MSI2: variants seen among roughly 807,000 people sequenced by gnomAD.
The protein encoded by MSI2 is RNA-binding protein Musashi homolog 2.
A neutral mutation model predicts 45.6 loss-of-function variants in MSI2; 17 were observed. The observed-to-expected ratio is 0.37, with a 90% CI of 0.26 to 0.56. The LOEUF is 0.56. Among genes scored for constraint, MSI2 ranks in the 20% least tolerant of loss-of-function variants. The pLI is 0.77. For synonymous variants in MSI2, 156 were observed against 158.2 expected (o/e 0.99, Z 0.11); for missense variants, 293 against 444.2 (o/e 0.66, Z 3.06).
chr17:57,691,191 T>C, the MSI2 span, among the ~76,000 whole-genome samples: 1 of 139,992 alleles, frequency 7.1e-6, no homozygotes, highest in African/African-American at 2.6e-5. Flanking sequence ...TCTCTCTCTC[T>C]CTCTCTCTCA....
chr17:57,605,650 C>T (rs1231400363), intron 8 of MSI2, among the ~76,000 whole-genome samples: 1 of 152,234 alleles, frequency 6.6e-6, no homozygotes, highest in Non-Finnish European at 1.5e-5. Context: ...GCTGCAGAGA[C>T]CAAGCCCAGA....
intron 3 of MSI2, among the ~76,000 whole-genome samples, 195 bp from the exon 4 acceptor site, chr17:57,258,075 C>T (rs1054250005): frequency 6.6e-6 from 1 of 152,118 alleles, no homozygotes; most frequent in African/African-American, 2.4e-5. Context: ...CGTTCCACTT[C>T]CCCCGTTAAC....
intron 5 of MSI2, among the ~76,000 whole-genome samples, chr17:57,292,515 T>C (rs1047862789): frequency 3.3e-5 from 5 of 152,012 alleles, no homozygotes; most frequent in African/African-American, 1.2e-4. Context: ...GAAGGGTGGA[T>C]TTGTGAGCAG....
downstream of MSI2, among the ~76,000 whole-genome samples, chr17:57,687,639 T>C (rs1458740164): frequency 6.6e-6 from 1 of 152,084 alleles, no homozygotes; most frequent in East Asian, 1.9e-4. Context: ...TGGATCCAAA[T>C]GAGTTTTATC....
At chr17:57,622,122 G>C (rs1055944287) in intron 9 of MSI2, among the ~76,000 whole-genome samples, 1 of 152,162 alleles carries the variant, frequency 6.6e-6, no homozygotes, top group African/African-American at 2.4e-5. Context: ...TCTTGAACCC[G>C]GGAGGCTGAG....
At chr17:57,637,740 T>C (rs1370069228) in intron 10 of MSI2, among the ~76,000 whole-genome samples, 5 of 152,200 alleles carry the variant, frequency 3.3e-5, no homozygotes, top group African/African-American at 1.2e-4. Flanking sequence ...TCTAGTGCTT[T>C]AGAAAAGGTT....
chr17:57,267,448 A>G (rs745770703), intron 5 of MSI2: 3 of 152,040 alleles, frequency 2.0e-5, no homozygotes, highest in Non-Finnish European at 4.4e-5. Flanking sequence ...GTTCTTTGTC[A>G]GATGATTTTT....
At chr17:57,352,584 C>A (rs1468966985) in intron 5 of MSI2, among the ~76,000 whole-genome samples, 1 of 152,104 alleles carries the variant, frequency 6.6e-6, no homozygotes, top group African/African-American at 2.4e-5. Context: ...TCCATGCTCA[C>A]AAAGGTCTGT....
intron 6 of MSI2, among the ~76,000 whole-genome samples, chr17:57,433,792 G>A (rs1320481263): frequency 6.6e-6 from 1 of 152,178 alleles, no homozygotes; most frequent in African/African-American, 2.4e-5. Flanking sequence ...CTTAAGCGCC[G>A]CTCATGCGGA....
chr17:57,344,932 A>G (rs1434663569), intron 5 of MSI2, among the ~76,000 whole-genome samples: 3 of 150,288 alleles, frequency 2.0e-5, no homozygotes, highest in African/African-American at 2.4e-5. Context: ...GCATGGTGGC[A>G]TGTGCCTGTA....
the MSI2 span, among the ~76,000 whole-genome samples, chr17:57,690,090 C>T: frequency 6.6e-6 from 1 of 151,452 alleles, no homozygotes; most frequent in African/African-American, 2.4e-5. Context: ...TGCATTACCA[C>T]TAGACATTTT....
At chr17:57,408,139 C>T (rs59186174) in intron 6 of MSI2, among the ~76,000 whole-genome samples, 2,194 of 152,292 alleles carry the variant, frequency 0.014, 62 homozygotes, top group African/African-American at 0.05. Context: ...GTAAGGTTGT[C>T]GAGTTCTAAA....
Position 57,529,289 on chromosome 17 carries a change from A to G in MSI2, c.406-387A>G, listed in dbSNP as rs191831698. 4.2e-4 allele frequency among the ~76,000 whole-genome samples: 64 copies of G among 152,186 alleles called. No homozygotes were observed. Among genetic ancestry groups the G allele is most frequent in the Middle Eastern group, 3.4e-3 (1 of 294 alleles). On this transcript the variant is annotated intron_variant, in intron 6 of 13. Coordinates refer to ENST00000284073, the MANE Select transcript of MSI2 (RefSeq NM_138962.4). This position sits in a 1 kb window ranked among gnomAD's most constrained non-coding sequence, Gnocchi z 5.3. ...TGTCTCTAAAAAAATAAAATAAAAT[A>G]ACTGGGCATGATGGTACATGCCTGT...
intron 6 of MSI2, among the ~76,000 whole-genome samples, chr17:57,469,945 C>A (rs750553698): frequency 1.3e-5 from 2 of 152,242 alleles, no homozygotes; most frequent in South Asian, 4.1e-4. Flanking sequence ...TCTTGTGGAC[C>A]CCTGATGATG....
At chr17:57,528,046 A>C (rs1243605735) in intron 6 of MSI2, among the ~76,000 whole-genome samples, 1 of 152,076 alleles carries the variant, frequency 6.6e-6, no homozygotes, top group East Asian at 1.9e-4. Context: ...CTTCTTAGCC[A>C]CAGGCACACA....
intron 6 of MSI2, among the ~76,000 whole-genome samples, chr17:57,489,391 G>A (rs1194681162): frequency 1.3e-5 from 2 of 152,198 alleles, no homozygotes; most frequent in Non-Finnish European, 2.9e-5. Flanking sequence ...GCTCCCAGCT[G>A]CTTGTGGCAA....
At position 57,682,773 on chromosome 17, in the gene MSI2, C is replaced by T. The variant is rs929817702; in HGVS notation, c.*3256C>T. On this transcript the variant is annotated 3_prime_UTR_variant, in exon 14 of 14. Coordinates refer to ENST00000284073, the MANE Select transcript of MSI2 (RefSeq NM_138962.4). The stretch of plus-strand genomic sequence containing the variant: ...AAACCCTCTTGGCTGATGGCTTTTC[C>T]CCGGAATTATCAAACAGCCACCGGG... 4.5e-6 allele frequency: 1 copy of T among 223,104 alleles called. No individual in the cohort carries two copies. The highest frequency in any genetic ancestry group is 5.7e-5 in the Admixed American group (1 of 17,414). 13.8% of individuals were successfully genotyped at this position (223,104 alleles called of 1,614,324 possible).
In MSI2 at chr17:57,408,437, C is replaced by T. The variant is rs779403647; in HGVS notation, c.405+6966C>T. Among the ~76,000 whole-genome samples the T allele has an allele frequency of 5.3e-5, 8 of 152,158 alleles. No homozygotes were observed. In the East Asian group the frequency reaches 5.8e-4, roughly 11 times the overall value. On this transcript the variant is annotated intron_variant, in intron 6 of 13. Transcript: ENST00000284073. Reference sequence around the variant, plus strand: ...TGCATAGTAGGTAGAGGAACAAGGCCGAATAGAAGAACAAGGCTCAAACTT... The same window carrying T: ...TGCATAGTAGGTAGAGGAACAAGGCTGAATAGAAGAACAAGGCTCAAACTT...
chr17:57,470,205 C>T (rs993146716), intron 6 of MSI2, among the ~76,000 whole-genome samples: 1 of 152,252 alleles, frequency 6.6e-6, no homozygotes, highest in African/African-American at 2.4e-5. Context: ...AGGGCAGCCT[C>T]TCTATCCTCA....
Sources: allele counts gnomAD v4.1 joint callset (sites outside exome capture counted in the v4.1 genomes callset), GRCh38; gene constraint gnomAD v4.1.1; non-coding constraint Gnocchi (gnomAD v3.1); transcripts MANE v1.5; gene names NCBI Gene and HGNC (gene_info 2026-07-23, HGNC 2026-07-21).